The following SERGEF variants were observed in gnomAD, a reference collection of about 807,000 sequenced individuals.
SERGEF encodes the protein secretion-regulating guanine nucleotide exchange factor.
Under a neutral mutation model 50.0 loss-of-function variants are expected in SERGEF, and 51 were observed. That is an observed-to-expected ratio of 1.02 (90% CI 0.81 to 1.29). The LOEUF (loss-of-function observed/expected upper bound fraction) is 1.29, where lower values mean the gene tolerates loss of function less well. SERGEF is among the 50% of genes most tolerant of loss of function. The pLI is 0.00. For missense variants in SERGEF, 521 were observed against 557.0 expected, an observed-to-expected ratio of 0.94 and a Z score of 0.65; for synonymous variants, 205 against 212.4, an observed-to-expected ratio of 0.97 and a Z score of 0.30.
At position 18,007,512 on chromosome 11, in the gene SERGEF, G is replaced by C. The variant is rs574111429; in HGVS notation, c.196+429C>G. On this transcript the variant is annotated intron_variant, in intron 2 of 10. Transcript: ENST00000265965. ...ATATGCCCCCCTTTACAACATTGTAGCACTTGTACTACTTGTTAAGTGCTA... is the reference window on the plus strand; with the variant it reads ...ATATGCCCCCCTTTACAACATTGTACCACTTGTACTACTTGTTAAGTGCTA... Among the ~76,000 whole-genome samples the C allele has an allele frequency of 2.3e-4, 35 of 152,262 alleles. No homozygotes were observed. In the South Asian group the frequency reaches 6.4e-3, roughly 28 times the overall value.
rs574048676 is a variant in SERGEF, at chr11:17,983,239, C to G, written c.844+5358G>C. Among the ~76,000 whole-genome samples the G allele has an allele frequency of 5.9e-5, 9 of 152,310 alleles. No homozygotes were observed. In the South Asian group the frequency reaches 1.9e-3, roughly 32 times the overall value. ...ACCAACTCCACATTAAGGTTTAGAT[C>G]TTGTGTAAATAATTCCCTTTGAAAT... On this transcript the variant is annotated intron_variant, in intron 8 of 10. Transcript: ENST00000265965.
At chr11:17,927,234 C>T (rs1001362736) in intron 9 of SERGEF, among the ~76,000 whole-genome samples, 2 of 152,180 alleles carry the variant, frequency 1.3e-5, no homozygotes, top group Non-Finnish European at 2.9e-5. Flanking sequence ...TTTGGCACCA[C>T]CCACTTCCCC....
At chr11:17,828,172 T>A (rs931922011) in intron 10 of SERGEF, among the ~76,000 whole-genome samples, 3 of 152,190 alleles carry the variant, frequency 2.0e-5, no homozygotes, top group Admixed American at 6.5e-5. Flanking sequence ...TATCCTTGAG[T>A]GAGTAAGTCG....
chr11:17,981,112 G>A (rs1185808515), intron 8 of SERGEF, among the ~76,000 whole-genome samples: 1 of 152,178 alleles, frequency 6.6e-6, no homozygotes, highest in Admixed American at 6.5e-5. Flanking sequence ...TGAAATCCTA[G>A]AGCCTGCAGT....
At chr11:17,931,705 C>A (rs527870718) in intron 9 of SERGEF, among the ~76,000 whole-genome samples, 1 of 152,290 alleles carries the variant, frequency 6.6e-6, no homozygotes, top group South Asian at 2.1e-4. Flanking sequence ...CACCCAATAT[C>A]TGCATTATAA....
At chr11:17,865,170 A>G (rs1010843135) in intron 10 of SERGEF, among the ~76,000 whole-genome samples, 2 of 152,236 alleles carry the variant, frequency 1.3e-5, no homozygotes, top group African/African-American at 4.8e-5. Flanking sequence ...GCCTACTGCC[A>G]TAGTAGCTGT....
chr11:17,891,207 A>G (rs1352461449), intron 9 of SERGEF, among the ~76,000 whole-genome samples: 1 of 152,196 alleles, frequency 6.6e-6, no homozygotes, highest in Non-Finnish European at 1.5e-5. Context: ...CATAGGTTAT[A>G]ATTTAAAATG....
At chr11:17,842,998 G>A (rs548461911) in intron 10 of SERGEF, among the ~76,000 whole-genome samples, 1 of 152,294 alleles carries the variant, frequency 6.6e-6, no homozygotes, top group Admixed American at 6.5e-5. Context: ...AGCAAGCCCA[G>A]ACATCAAGCC....
intron 9 of SERGEF, among the ~76,000 whole-genome samples, chr11:17,881,679 G>A (rs931613494): frequency 6.6e-6 from 1 of 152,192 alleles, no homozygotes; most frequent in African/African-American, 2.4e-5. Flanking sequence ...GAGACCTAAA[G>A]GGCAAGGTAT....
chr11:17,902,751 C>T (rs1005137313), intron 9 of SERGEF, among the ~76,000 whole-genome samples: 6 of 152,276 alleles, frequency 3.9e-5, no homozygotes, highest in South Asian at 2.1e-4. Flanking sequence ...TGTACATGAG[C>T]GCCTGCAAGG....
intron 9 of SERGEF, among the ~76,000 whole-genome samples, chr11:17,945,270 T>C (rs1333606710): frequency 6.6e-6 from 1 of 152,224 alleles, no homozygotes; most frequent in Non-Finnish European, 1.5e-5. Flanking sequence ...AATACAAATA[T>C]AATAATACAT....
chr11:17,923,601 T>C (rs1006627358), intron 9 of SERGEF, among the ~76,000 whole-genome samples: 1 of 151,892 alleles, frequency 6.6e-6, no homozygotes, highest in African/African-American at 2.4e-5. Context: ...GATTCCAGAC[T>C]CACTGGGAAG....
At chr11:17,820,467 C>T (rs928245211) in intron 10 of SERGEF, among the ~76,000 whole-genome samples, 5 of 152,198 alleles carry the variant, frequency 3.3e-5, no homozygotes, top group African/African-American at 1.2e-4. Context: ...GCTTCAAAGT[C>T]GGACAAAGCC....
chr11:17,957,411 T>C (rs1157873343), intron 9 of SERGEF, among the ~76,000 whole-genome samples: 1 of 152,288 alleles, frequency 6.6e-6, no homozygotes, highest in East Asian at 1.9e-4. Flanking sequence ...CCAATAGAAC[T>C]AGAGACTCGG....
chr11:17,892,356 C>A (rs892500754), intron 9 of SERGEF, among the ~76,000 whole-genome samples: 1 of 152,146 alleles, frequency 6.6e-6, no homozygotes. Flanking sequence ...TATTTATGCT[C>A]ATTTTTGCCT....
At chr11:17,931,386 G>A (rs2133947834) in intron 9 of SERGEF, among the ~76,000 whole-genome samples, 1 of 152,274 alleles carries the variant, frequency 6.6e-6, no homozygotes. Context: ...TCATAACCCA[G>A]AACCTTTTTC....
chr11:17,926,672 G>A (rs994995896), intron 9 of SERGEF: 195 of 446,490 alleles, frequency 4.4e-4, no homozygotes, highest in East Asian at 4.2e-4. Flanking sequence ...GTGTGACCCT[G>A]AATTGATTGT....
chr11:17,973,146 A>G (rs558705195), intron 8 of SERGEF, among the ~76,000 whole-genome samples: 1 of 152,304 alleles, frequency 6.6e-6, no homozygotes, highest in East Asian at 1.9e-4. Flanking sequence ...CAGCCAAAGG[A>G]AAGCCGCAGT....
intron 10 of SERGEF, among the ~76,000 whole-genome samples, chr11:17,810,697 T>TG (rs1849852882): frequency 6.6e-6 from 1 of 152,042 alleles, no homozygotes; most frequent in South Asian, 2.1e-4. Flanking sequence ...TATCCTCCAC[T>TG]GTGCTTAGCA....
Sources: allele counts gnomAD v4.1 joint callset (sites outside exome capture counted in the v4.1 genomes callset), GRCh38; gene constraint gnomAD v4.1.1; transcripts MANE v1.5; gene names NCBI Gene and HGNC (gene_info 2026-07-23, HGNC 2026-07-21).